NAALADL2: variants seen among roughly 807,000 people sequenced by gnomAD.
NAALADL2 encodes the protein N-acetylated alpha-linked acidic dipeptidase like 2.
A neutral mutation model predicts 87.2 loss-of-function variants in NAALADL2; 76 were observed. That is an observed-to-expected ratio of 0.87 (90% CI 0.72 to 1.05). NAALADL2 has a LOEUF of 1.05. NAALADL2 is among the 50% of genes least tolerant of loss of function. NAALADL2 has a pLI of 0.00. For synonymous variants in NAALADL2, 354 were observed against 331.0 expected (o/e 1.07, Z -0.75); for missense variants, 1,089 against 945.8 (o/e 1.15, Z -1.99).
chr3:175,182,940 T>C (rs1370032795), intron 2 of NAALADL2, among the ~76,000 whole-genome samples: 7 of 152,100 alleles, frequency 4.6e-5, no homozygotes, highest in Non-Finnish European at 1.0e-4. Flanking sequence ...TTTTAGTTAC[T>C]ATAGCTTTGG....
rs146696239 is a variant in NAALADL2 at position 175,044,015 on chromosome 3, T to A, written c.44-52775T>A. Among the ~76,000 whole-genome samples the A allele has an allele frequency of 4.9e-4, 75 of 152,298 alleles. 1 individual carries two copies. The East Asian group carries it at 5.8e-3, about 12-fold the overall frequency. The stretch of plus-strand genomic sequence containing the variant: ...ATTCTTCCAATCTGTGAGCATAGGA[T>A]ATCTTTTCATTTATTTATGTCTTCT... On this transcript the variant is annotated intron_variant, in intron 1 of 13. Transcript: ENST00000454872.
intron 2 of NAALADL2, among the ~76,000 whole-genome samples, chr3:174,705,659 T>C (rs553523201): frequency 6.6e-6 from 1 of 151,668 alleles, no homozygotes; most frequent in African/African-American, 2.4e-5. Context: ...GGTGGGCGCC[T>C]GTAATCCCAG....
At chr3:175,170,210 C>T (rs1734596242) in intron 2 of NAALADL2, among the ~76,000 whole-genome samples, 1 of 151,548 alleles carries the variant, frequency 6.6e-6, no homozygotes, top group South Asian at 2.1e-4. Context: ...ATTGCAAAAT[C>T]ATACCATTTC....
At chr3:174,837,228 A>G (rs1723437432) in intron 3 of NAALADL2, among the ~76,000 whole-genome samples, 1 of 152,210 alleles carries the variant, frequency 6.6e-6, no homozygotes. Flanking sequence ...AAAGATAAAT[A>G]CAATTGATAG....
intron 11 of NAALADL2, among the ~76,000 whole-genome samples, chr3:175,656,147 TC>T (rs113136150): frequency 9.2e-5 from 14 of 152,204 alleles, no homozygotes; most frequent in African/African-American, 3.4e-4. Flanking sequence ...ATGCTATGCC[TC>T]TCTCAGCCTA....
At chr3:175,335,502 T>C (rs1298013591) in intron 5 of NAALADL2, among the ~76,000 whole-genome samples, 1 of 152,244 alleles carries the variant, frequency 6.6e-6, no homozygotes, top group African/African-American at 2.4e-5. Flanking sequence ...ATGTTAGGTA[T>C]GCTTCATGAA....
At chr3:175,013,264 T>TAAAATA (rs1187188944) in intron 1 of NAALADL2, among the ~76,000 whole-genome samples, 4 of 102,402 alleles carry the variant, frequency 3.9e-5, no homozygotes, top group African/African-American at 1.7e-4. Context: ...TATACATATA[T>TAAAATA]TTTTATATAT....
chr3:174,800,329 G>T (rs562839469), intron 3 of NAALADL2, among the ~76,000 whole-genome samples: 1 of 152,036 alleles, frequency 6.6e-6, no homozygotes, highest in Non-Finnish European at 1.5e-5. Flanking sequence ...CTTGGTACCC[G>T]GCCAGCCACT....
intron 9 of NAALADL2, among the ~76,000 whole-genome samples, chr3:175,477,850 C>T (rs1362761131): frequency 2.0e-5 from 3 of 151,980 alleles, no homozygotes; most frequent in Non-Finnish European, 4.4e-5. Context: ...ACAATTTAGA[C>T]TTATTTTTTC....
At position 174,996,187 on chromosome 3, in the gene NAALADL2, C is replaced by G. The variant is rs191127921; in HGVS notation, c.44-100603C>G. Among the ~76,000 whole-genome samples the G allele has an allele frequency of 9.1e-4, 139 of 152,252 alleles. 2 individuals are homozygous for G. The highest frequency in any genetic ancestry group is 3.0e-3 in the African/African-American group (123 of 41,552). On this transcript the variant is annotated intron_variant, in intron 1 of 13. Transcript: ENST00000454872. ...CTACTAGTTCTATTTACCTATAGTT[C>G]CATTATTTTTCTAAAAATGTACTGA...
At chr3:175,132,047 C>A (rs1478866692) in intron 2 of NAALADL2, among the ~76,000 whole-genome samples, 1 of 133,776 alleles carries the variant, frequency 7.5e-6, no homozygotes, top group South Asian at 2.5e-4. Context: ...GGCAGAGGGG[C>A]TCCTCACTTC....
intron 1 of NAALADL2, among the ~76,000 whole-genome samples, chr3:174,535,656 A>T (rs1178774954): frequency 6.6e-6 from 1 of 152,078 alleles, no homozygotes; most frequent in Non-Finnish European, 1.5e-5. Flanking sequence ...GAACCCAGAG[A>T]GTTCATTATT....
chr3:174,918,392 C>A (rs575943608), intron 1 of NAALADL2, among the ~76,000 whole-genome samples: 12 of 152,136 alleles, frequency 7.9e-5, no homozygotes, highest in South Asian at 4.1e-4. Flanking sequence ...TGGAAAAAAA[C>A]CGAATCCCTG....
chr3:174,838,815 A>G (rs1042218881), intron 3 of NAALADL2, among the ~76,000 whole-genome samples: 1 of 152,178 alleles, frequency 6.6e-6, no homozygotes, highest in African/African-American at 2.4e-5. Flanking sequence ...TCTACAAAGG[A>G]TACTACAAAA....
intron 3 of NAALADL2, among the ~76,000 whole-genome samples, chr3:175,238,335 A>G (rs1746264717): frequency 6.6e-6 from 1 of 152,172 alleles, no homozygotes; most frequent in African/African-American, 2.4e-5. Flanking sequence ...AAATAAAGTT[A>G]ACTGTAGATG....
intron 1 of NAALADL2, among the ~76,000 whole-genome samples, chr3:174,866,450 AAT>A (rs1727158077): frequency 6.6e-6 from 1 of 151,866 alleles, no homozygotes; most frequent in Non-Finnish European, 1.5e-5. Context: ...ATAATTTAAA[AAT>A]ATAGATTGTA....
intron 9 of NAALADL2, among the ~76,000 whole-genome samples, chr3:175,481,259 G>A (rs9865975): frequency 0.51 from 77,526 of 151,266 alleles, 21,788 homozygotes; most frequent in East Asian, 0.64. Context: ...TAGCTATATT[G>A]CCTTTACTAA....
At chr3:174,587,262 T>G (rs1282191885) in intron 2 of NAALADL2, among the ~76,000 whole-genome samples, 1 of 152,184 alleles carries the variant, frequency 6.6e-6, no homozygotes, top group Non-Finnish European at 1.5e-5. Context: ...GTTCCAAGTC[T>G]TTGCTATTGT....
intron 2 of NAALADL2, among the ~76,000 whole-genome samples, chr3:175,179,633 A>G (rs975766674): frequency 1.3e-5 from 2 of 152,004 alleles, no homozygotes; most frequent in African/African-American, 4.8e-5. Context: ...AAAACTTTAT[A>G]GTTATTTGTA....
Sources: allele counts gnomAD v4.1 joint callset (sites outside exome capture counted in the v4.1 genomes callset), GRCh38; gene constraint gnomAD v4.1.1; transcripts MANE v1.5; gene names NCBI Gene and HGNC (gene_info 2026-07-23, HGNC 2026-07-21).